LIN28B: variants seen among roughly 807,000 people sequenced by gnomAD.
The protein encoded by LIN28B is protein lin-28 homolog B.
A neutral mutation model predicts 21.9 loss-of-function variants in LIN28B; 5 were observed. That is an observed-to-expected ratio of 0.23 (90% CI 0.12 to 0.48). The LOEUF (loss-of-function observed/expected upper bound fraction) is 0.48. Ranked by LOEUF, LIN28B falls within the 20% of genes least tolerant of loss-of-function variation. LIN28B has a pLI of 0.98. For missense variants in LIN28B, 245 were observed against 310.5 expected, an observed-to-expected ratio of 0.79 and a Z score of 1.58; for synonymous variants, 109 against 111.3, an observed-to-expected ratio of 0.98 and a Z score of 0.13.
Position 105,081,269 on chromosome 6 carries a change from A to G in LIN28B, c.*2486A>G, listed in dbSNP as rs1772537423. 6.6e-6 allele frequency: 1 copy of G among 152,670 alleles called. No homozygotes were observed. Among genetic ancestry groups the G allele is most frequent in the Non-Finnish European group, 1.5e-5 (1 of 68,046 alleles). The allele number at this position is 152,670 out of a possible 1,614,324, so 9.5% of individuals were successfully genotyped here. A position where few individuals can be genotyped will look rare whatever the true frequency, so the allele number is the denominator to read the frequency against. ...ATGATAGTAACTACCTCTGAGTTTG[A>G]CACAGATCAAAATTTTTGAATATCA... On this transcript the variant is annotated 3_prime_UTR_variant, in exon 4 of 4. Transcript: ENST00000345080.
Position 104,962,761 on chromosome 6 carries a change from T to A in LIN28B, c.198+4475T>A, listed in dbSNP as rs535630140. ...CTAATTAATTAACCATGTTTAGTTTTGTTATAGTTAAGCATAAAATCATTT... is the reference window on the plus strand; with the variant it reads ...CTAATTAATTAACCATGTTTAGTTTAGTTATAGTTAAGCATAAAATCATTT... On this transcript the variant is annotated intron_variant, in intron 2 of 3. Coordinates refer to ENST00000345080, the MANE Select transcript of LIN28B (RefSeq NM_001004317.4). Among the ~76,000 whole-genome samples, 4 of 152,306 alleles carry A rather than the reference T, an allele frequency of 2.6e-5. No individual in the cohort carries two copies. In the South Asian group the frequency reaches 6.2e-4, roughly 24 times the overall value.
chr6:105,001,810 T>G (rs1770726144), intron 2 of LIN28B, among the ~76,000 whole-genome samples: 1 of 152,200 alleles, frequency 6.6e-6, no homozygotes, highest in South Asian at 2.1e-4. Flanking sequence ...TCTTCAAGTT[T>G]TTCTTGATAT....
intron 3 of LIN28B, among the ~76,000 whole-genome samples, chr6:105,044,013 T>A (rs1771694370): frequency 6.6e-6 from 1 of 152,216 alleles, no homozygotes; most frequent in Non-Finnish European, 1.5e-5. Flanking sequence ...GTATATCCAT[T>A]TTATTGTTCT....
chr6:105,078,714 GAA>G lies in LIN28B; in HGVS notation c.685_686del (p.Lys229ValfsTer43). 1 of 1,614,028 alleles carries G rather than the reference GAA, an allele frequency of 6.2e-7. No homozygotes were observed. The highest frequency in any genetic ancestry group is 1.1e-5 in the South Asian group (1 of 91,072). ...GGTCACCTCAAGAAGCTTCCTCCAC[GAA>G]GTCATCTATAGCACCAGAAGAGCAA... ...GRSPQEASSTKSSIAPEEQSK... is the reference protein window; with the variant it reads ...GRSPQEASSTXSSIAPEEQSK... On this transcript the variant is annotated frameshift_variant, in exon 4 of 4. Coordinates refer to ENST00000345080, the MANE Select transcript of LIN28B (RefSeq NM_001004317.4). LOFTEE classifies it high-confidence loss of function.
At chr6:104,992,514 G>GTGTGTGTTT in intron 2 of LIN28B, among the ~76,000 whole-genome samples, 1 of 139,602 alleles carries the variant, frequency 7.2e-6, no homozygotes, top group Non-Finnish European at 1.5e-5. Flanking sequence ...GTGTGTGTGT[G>GTGTGTGTTT]TTTTTTTTTT....
chr6:105,051,249 G>A (rs916699346), intron 3 of LIN28B, among the ~76,000 whole-genome samples: 4 of 151,380 alleles, frequency 2.6e-5, no homozygotes, highest in Non-Finnish European at 5.9e-5. Flanking sequence ...GACCAGCCTG[G>A]CCAACATGGT....
At chr6:105,062,638 C>G (rs577752568) in intron 3 of LIN28B, among the ~76,000 whole-genome samples, 1 of 151,992 alleles carries the variant, frequency 6.6e-6, no homozygotes, top group African/African-American at 2.4e-5. Context: ...GCAAGTAATT[C>G]TGCATGAATG....
intron 2 of LIN28B, among the ~76,000 whole-genome samples, chr6:105,009,560 T>C (rs143665735): frequency 1.5e-3 from 224 of 152,306 alleles, no homozygotes; most frequent in Non-Finnish European, 2.9e-3. Flanking sequence ...TTCTCAGCTC[T>C]AAAAGAAAAG....
At chr6:104,992,355 C>T (rs1770504851) in intron 2 of LIN28B, among the ~76,000 whole-genome samples, 1 of 152,086 alleles carries the variant, frequency 6.6e-6, no homozygotes, top group Non-Finnish European at 1.5e-5. Context: ...CTGCGCCTGG[C>T]CTCATTTACA....
In LIN28B at chr6:105,035,158, G is replaced by A. The variant is rs184515766; in HGVS notation, c.383+8676G>A. On this transcript the variant is annotated intron_variant, in intron 3 of 3. Transcript: ENST00000345080. ...AAAAAAACCCATGTTTAGGTTTATG[G>A]TGTCATTTTATTAAAGAATATCTGT... Among the ~76,000 whole-genome samples the A allele has an allele frequency of 1.4e-3, 206 of 151,936 alleles. 1 individual carries two copies. Among genetic ancestry groups the A allele is most frequent in the African/African-American group, 4.7e-3 (194 of 41,464 alleles).
intron 2 of LIN28B, among the ~76,000 whole-genome samples, chr6:104,989,406 A>T (rs1770412689): frequency 6.6e-6 from 1 of 151,966 alleles, no homozygotes; most frequent in Non-Finnish European, 1.5e-5. Flanking sequence ...TAATTTTAGT[A>T]GAGCCAGGGT....
chr6:104,959,632 TTTAA>T (rs1247498720), intron 2 of LIN28B, among the ~76,000 whole-genome samples: 1 of 152,138 alleles, frequency 6.6e-6, no homozygotes, highest in African/African-American at 2.4e-5. Flanking sequence ...TGAAACAGGG[TTTAA>T]GTACACAAAT....
At chr6:105,016,182 T>C (rs766470461) in intron 2 of LIN28B, among the ~76,000 whole-genome samples, 1 of 152,122 alleles carries the variant, frequency 6.6e-6, no homozygotes, top group Non-Finnish European at 1.5e-5. Context: ...ACCCATTTCT[T>C]GTGATTCATT....
rs1772169628 is a variant in LIN28B, at chr6:105,063,652, A to AAC, written c.384-14761_384-14760insCA. On this transcript the variant is annotated intron_variant, in intron 3 of 3. Coordinates refer to ENST00000345080, the MANE Select transcript of LIN28B (RefSeq NM_001004317.4). ...CTCCATCTCGGGGGGGGGGGGGAAA[A>AAC]AAAGGTAAAGTAAAGGATAATAAAA... Among the ~76,000 whole-genome samples the AAC allele has an allele frequency of 2.7e-5, 4 of 148,944 alleles. 1 individual carries two copies. The highest frequency in any genetic ancestry group is 5.9e-5 in the Non-Finnish European group (4 of 67,296).
At chr6:105,021,128 G>T (rs577331456) in intron 2 of LIN28B, among the ~76,000 whole-genome samples, 1 of 152,060 alleles carries the variant, frequency 6.6e-6, no homozygotes, top group South Asian at 2.1e-4. Context: ...TGTGATATTT[G>T]ACTTTCTGTG....
Position 104,957,126 on chromosome 6 carries a change from T to C in LIN28B, c.-125T>C. On this transcript the variant is annotated 5_prime_UTR_variant, in exon 1 of 4. Transcript: ENST00000345080. ...AAAAATCAAAAGAAGGAAAGCACATTAGACCATGCGAGCTAAATTTGTGAT... is the reference window on the plus strand; with the variant it reads ...AAAAATCAAAAGAAGGAAAGCACATCAGACCATGCGAGCTAAATTTGTGAT... 6.2e-7 allele frequency: 1 copy of C among 1,607,392 alleles called. No individual in the cohort carries two copies. The highest frequency in any genetic ancestry group is 2.2e-5 in the East Asian group (1 of 44,582).
intron 2 of LIN28B, among the ~76,000 whole-genome samples, chr6:104,999,317 T>C (rs1048018725): frequency 6.6e-6 from 1 of 152,088 alleles, no homozygotes; most frequent in African/African-American, 2.4e-5. Flanking sequence ...TTTTGTGTTT[T>C]TTGTAGAGAT....
chr6:105,048,492 T>C (rs148376318), intron 3 of LIN28B, among the ~76,000 whole-genome samples: 2,170 of 152,292 alleles, frequency 0.014, 69 homozygotes, highest in African/African-American at 0.05. Flanking sequence ...TTTTGTTGTG[T>C]CTCTGTCAGG....
intron 3 of LIN28B, among the ~76,000 whole-genome samples, chr6:105,053,280 T>G (rs913601186): frequency 9.2e-5 from 14 of 152,194 alleles, no homozygotes; most frequent in Non-Finnish European, 1.5e-4. Flanking sequence ...GTGGCTCATG[T>G]GCACCTGAAA....
Sources: gnomAD v4.1 joint callset for allele counts (sites outside exome capture counted in the v4.1 genomes callset) on GRCh38, gnomAD v4.1.1 for gene constraint, MANE v1.5 for transcripts, NCBI Gene and HGNC (gene_info 2026-07-23, HGNC 2026-07-21) for gene names.